Variants in COL5A1 observed in about 807,000 individuals in gnomAD.
COL5A1 encodes collagen type V alpha 1 chain.
In COL5A1, 16 loss-of-function variants were observed where a neutral mutation model predicts 263.7. The ratio of observed to expected loss-of-function variants is 0.06; its 90% CI spans 0.04 to 0.09. The LOEUF (loss-of-function observed/expected upper bound fraction) is 0.09, where lower values mean the gene tolerates loss of function less well. Ranked by LOEUF, COL5A1 falls within the 10% of genes least tolerant of loss-of-function variation. The probability of loss-of-function intolerance (pLI) is 1.00; values close to 1 mark genes in which losing one functional copy is unlikely to be tolerated. For synonymous variants in COL5A1, 1,012 were observed against 1,004.5 expected (o/e 1.01, Z -0.14); for missense variants, 2,036 against 2,540.5 (o/e 0.80, Z 4.27).
chr9:134,655,858 G>C (rs1831954032), intron 1 of COL5A1, among the ~76,000 whole-genome samples: 1 of 152,064 alleles, frequency 6.6e-6, no homozygotes, highest in African/African-American at 2.4e-5. Flanking sequence ...CCTGCAGCAG[G>C]GCTCCCCTGT....
rs1837812800 is a variant in COL5A1, at chr9:134,794,123, CGA to C, written c.2701-956_2701-955del. Reference sequence around the variant, plus strand: ...CGGGTGAATCACGAGGTCAAGAGATCGAGACCATCCTTGCCAACATGGTGAAA... The same window carrying C: ...CGGGTGAATCACGAGGTCAAGAGATCGACCATCCTTGCCAACATGGTGAAA... On this transcript the variant is annotated intron_variant, in intron 32 of 65. Transcript: ENST00000371817. The surrounding 1 kb of genome is among the most constrained non-coding windows in gnomAD (Gnocchi z 4.3). 6.6e-6 allele frequency among the ~76,000 whole-genome samples: 1 copy of C among 152,056 alleles called. No homozygotes were observed. The highest frequency in any genetic ancestry group is 1.5e-5 in the Non-Finnish European group (1 of 68,022).
intron 27 of COL5A1, among the ~76,000 whole-genome samples, chr9:134,776,481 A>C (rs958544239): frequency 6.6e-6 from 1 of 152,188 alleles, no homozygotes; most frequent in African/African-American, 2.4e-5. Flanking sequence ...TGGAAGGAAA[A>C]CCGAGGTTTA....
chr9:134,734,861 A>G (rs1188652661), intron 9 of COL5A1, among the ~76,000 whole-genome samples: 1 of 152,182 alleles, frequency 6.6e-6, no homozygotes, highest in Non-Finnish European at 1.5e-5. Flanking sequence ...TGGACCCTCC[A>G]TTGAGATTGT....
At chr9:134,708,546 C>G in intron 4 of COL5A1, 1 of 517,140 alleles carries the variant, frequency 1.9e-6, no homozygotes, top group Non-Finnish European at 3.9e-6. Context: ...TCTGTAGGAT[C>G]CACCTCCGCT....
intron 32 of COL5A1, among the ~76,000 whole-genome samples, chr9:134,791,800 A>G (rs980439977): frequency 2.6e-4 from 40 of 152,178 alleles, no homozygotes; most frequent in Admixed American, 2.5e-3. Context: ...CAGCACATGC[A>G]TCGCGAGTCC....
Position 134,815,557 on chromosome 9 carries a change from C to T in COL5A1, c.4015-19C>T, listed in dbSNP as rs527971001. 5.3e-4 allele frequency: 854 copies of T among 1,612,146 alleles called. 10 individuals carry two copies. The South Asian group carries it at 8.8e-3, about 17-fold the overall frequency. ...AGGTTGCTGATGGCCTTGGCTGCTT[C>T]CTTCTTTCTTCCTTTCAGGGCCCAG... On this transcript the variant is annotated intron_variant, in intron 50 of 65. Transcript: ENST00000371817.
At position 134,754,152 on chromosome 9, in the gene COL5A1, A is replaced by C. The variant is rs1409212739; in HGVS notation, c.1774-121A>C. 3.7e-6 allele frequency: 4 copies of C among 1,088,542 alleles called. No homozygotes were observed. The highest frequency in any genetic ancestry group is 5.6e-6 in the Non-Finnish European group (4 of 720,084). 67.4% of individuals were successfully genotyped at this position (1,088,542 alleles called of 1,614,324 possible). A position where few individuals can be genotyped will look rare whatever the true frequency, so the allele number is the denominator to read the frequency against. On this transcript the variant is annotated intron_variant, in intron 15 of 65. Coordinates refer to ENST00000371817, the MANE Select transcript of COL5A1 (RefSeq NM_000093.5). This position sits in a 1 kb window ranked among gnomAD's most constrained non-coding sequence, Gnocchi z 4.3. The stretch of plus-strand genomic sequence containing the variant: ...TCCGTGTCCCGTCCCCGAAGTGCCC[A>C]CATGTTTGTGGCTTGGACAGCCAGG...
At position 134,769,031 on chromosome 9, in the gene COL5A1, G is replaced by A. The variant is rs184512135; in HGVS notation, c.2286+568G>A. Among the ~76,000 whole-genome samples, 5 of 152,314 alleles carry A rather than the reference G, an allele frequency of 3.3e-5. No homozygotes were observed. In the East Asian group the frequency reaches 5.8e-4, roughly 18 times the overall value. On this transcript the variant is annotated intron_variant, in intron 25 of 65. Transcript: ENST00000371817. Reference sequence around the variant, plus strand: ...TCAGAATGCGTGCGTGCGTGCACACGTGCGTGTACATGAGTGTGAGCTGAT... The same window carrying A: ...TCAGAATGCGTGCGTGCGTGCACACATGCGTGTACATGAGTGTGAGCTGAT...
In COL5A1 at chr9:134,754,340, G is replaced by T; in HGVS notation, c.1827+14G>T. On this transcript the variant is annotated intron_variant, in intron 16 of 65. Transcript: ENST00000371817. This position sits in a 1 kb window ranked among gnomAD's most constrained non-coding sequence, Gnocchi z 4.3. ...CCCGGAAGACGGGTGAGTGGTGCGA[G>T]TGTGTGTGGTTTAGTGACAGCAGCT... The T allele has an allele frequency of 6.2e-7, 1 of 1,613,954 alleles. No homozygotes were observed. Among genetic ancestry groups the T allele is most frequent in the Non-Finnish European group, 8.5e-7 (1 of 1,180,002 alleles).
intron 25 of COL5A1, among the ~76,000 whole-genome samples, chr9:134,770,449 C>G (rs76482228): frequency 3.9e-5 from 6 of 152,124 alleles, no homozygotes; most frequent in Non-Finnish European, 8.8e-5. Flanking sequence ...TGAATTATGG[C>G]TCAGTGGAAT....
intron 11 of COL5A1, among the ~76,000 whole-genome samples, chr9:134,743,007 G>A (rs1247503531): frequency 1.3e-5 from 2 of 152,184 alleles, no homozygotes; most frequent in South Asian, 2.1e-4. Flanking sequence ...GAAGGCAGGC[G>A]CCACCTCTGT....
chr9:134,759,596 A>G (rs1277401565), intron 18 of COL5A1, among the ~76,000 whole-genome samples: 1 of 105,458 alleles, frequency 9.5e-6, no homozygotes, highest in Non-Finnish European at 1.8e-5. Context: ...ACATGCATAC[A>G]CCCCCACACC....
chr9:134,652,747 G>A lies in COL5A1; in HGVS notation c.109+10451G>A, dbSNP rs896377581. The A allele has an allele frequency of 2.1e-6, 1 of 470,676 alleles. No individual in the cohort carries two copies. Among genetic ancestry groups the A allele is most frequent in the Non-Finnish European group, 4.4e-6 (1 of 226,892 alleles). 29.2% of individuals were successfully genotyped at this position (470,676 alleles called of 1,614,324 possible). Reference sequence around the variant, plus strand: ...ATGGCTCATTGTCAGACAGGAGGGAGGGCCTCTTCTTAGGCCGGGTCCAGC... The same window carrying A: ...ATGGCTCATTGTCAGACAGGAGGGAAGGCCTCTTCTTAGGCCGGGTCCAGC... On this transcript the variant is annotated intron_variant, in intron 1 of 65. Coordinates refer to ENST00000371817, the MANE Select transcript of COL5A1 (RefSeq NM_000093.5). This position sits in a 1 kb window ranked among gnomAD's most constrained non-coding sequence, Gnocchi z 4.4.
chr9:134,652,844 T>G lies in COL5A1; in HGVS notation c.109+10548T>G. 2.4e-6 allele frequency: 1 copy of G among 409,014 alleles called. No homozygotes were observed. Among genetic ancestry groups the G allele is most frequent in the South Asian group, 1.8e-5 (1 of 56,224 alleles). 25.3% of individuals were successfully genotyped at this position (409,014 alleles called of 1,614,324 possible). The stretch of plus-strand genomic sequence containing the variant: ...CCCAGAATCCCCCCGAGGCCTCTCT[T>G]AAGGCACAGATTGTTTCTGACTCAG... On this transcript the variant is annotated intron_variant, in intron 1 of 65. Transcript: ENST00000371817. This position sits in a 1 kb window ranked among gnomAD's most constrained non-coding sequence, Gnocchi z 4.4.
rs1042269053 is a variant in COL5A1 at position 134,812,631 on chromosome 9, A to G, written c.3771A>G (p.Arg1257=). The change falls in exon 48 of 66, where the codon CGA becomes CGG. Residue 1257 remains arginine (R), a synonymous_variant. Coordinates refer to ENST00000371817, the MANE Select transcript of COL5A1 (RefSeq NM_000093.5). ...QMGPPGPPGP[R]GPSGAPGADG... is the part of the protein sequence containing the mutation. Reference sequence around the variant, plus strand: ...GCCCCCCGGGTCCCCCTGGCCCCCGAGGACCCTCCGGAGCTCCAGGTGCTG... The same window carrying G: ...GCCCCCCGGGTCCCCCTGGCCCCCGGGGACCCTCCGGAGCTCCAGGTGCTG... The G allele has an allele frequency of 4.4e-6, 7 of 1,602,632 alleles. No homozygotes were observed. Among genetic ancestry groups the G allele is most frequent in the African/African-American group, 4.0e-5 (3 of 74,822 alleles).
At chr9:134,685,420 A>T (rs1459660151) in intron 1 of COL5A1, among the ~76,000 whole-genome samples, 3 of 5,246 alleles carry the variant, frequency 5.7e-4, no homozygotes, top group African/African-American at 1.6e-3. Flanking sequence ...TAATTCATCC[A>T]TCCATCCATC....
chr9:134,781,019 G>A (rs1251654421), intron 28 of COL5A1, among the ~76,000 whole-genome samples: 3 of 152,260 alleles, frequency 2.0e-5, no homozygotes, highest in Admixed American at 1.3e-4. Context: ...GGCGGCCTGC[G>A]GGGCTGGAGT....
intron 4 of COL5A1, among the ~76,000 whole-genome samples, chr9:134,714,258 A>ATGG (rs904829953): frequency 3.3e-5 from 5 of 151,760 alleles, no homozygotes; most frequent in Non-Finnish European, 7.4e-5. Context: ...ACTGTTGATG[A>ATGG]TGGTGGTGGT....
intron 65 of COL5A1, among the ~76,000 whole-genome samples, chr9:134,839,190 G>A (rs972864583): frequency 6.6e-6 from 1 of 152,224 alleles, no homozygotes; most frequent in African/African-American, 2.4e-5. Context: ...GGGCCCAGTG[G>A]AGAGGCACAA....
Sources: gnomAD v4.1 joint callset for allele counts (sites outside exome capture counted in the v4.1 genomes callset) on GRCh38, gnomAD v4.1.1 for gene constraint, Gnocchi (gnomAD v3.1) non-coding constraint, MANE v1.5 for transcripts, NCBI Gene and HGNC (gene_info 2026-07-23, HGNC 2026-07-21) for gene names.